MYO18B: variants seen among roughly 807,000 people sequenced by gnomAD.
MYO18B encodes the protein myosin XVIIIB, also known as unconventional myosin-XVIIIb.
In MYO18B, 204 loss-of-function variants were observed where a neutral mutation model predicts 273.0. The ratio of observed to expected loss-of-function variants is 0.75; its 90% confidence interval spans 0.67 to 0.84. The LOEUF is 0.84. MYO18B is among the 40% of genes least tolerant of loss of function. MYO18B has a pLI of 0.00. For synonymous variants in MYO18B, 1,330 were observed against 1,305.7 expected, an observed-to-expected ratio of 1.02 and a Z score of -0.40; for missense variants, 3,212 against 3,287.6, an observed-to-expected ratio of 0.98 and a Z score of 0.56.
intron 39 of MYO18B, among the ~76,000 whole-genome samples, chr22:25,962,751 G>C (rs890602022): frequency 2.0e-5 from 3 of 152,184 alleles, no homozygotes; most frequent in Non-Finnish European, 4.4e-5. Context: ...TCTGAAACTT[G>C]TATGGAGTTT....
intron 29 of MYO18B, 47 bp downstream of exon 29, chr22:25,898,508 A>C: frequency 6.3e-7 from 1 of 1,596,852 alleles, no homozygotes; most frequent in Non-Finnish European, 8.5e-7. Flanking sequence ...GGTGGGCTAC[A>C]TTGGAGCTGG....
intron 40 of MYO18B, among the ~76,000 whole-genome samples, chr22:25,999,649 C>T (rs1394622885): frequency 8.0e-6 from 1 of 124,786 alleles, no homozygotes; most frequent in African/African-American, 3.4e-5. Flanking sequence ...CTTTCTCCTC[C>T]TTCTCCTCCT....
chr22:25,816,966 C>T (rs1238059557), intron 12 of MYO18B, among the ~76,000 whole-genome samples: 1 of 152,214 alleles, frequency 6.6e-6, no homozygotes. Context: ...TCAGCAACAG[C>T]ACAGCTATTG....
At chr22:25,778,828 A>T (rs576939250) in intron 8 of MYO18B, among the ~76,000 whole-genome samples, 1 of 151,706 alleles carries the variant, frequency 6.6e-6, no homozygotes, top group South Asian at 2.1e-4. Context: ...CAGCCCTATA[A>T]GGTAGGTATT....
At chr22:25,823,936 G>A (rs1402513029) in intron 13 of MYO18B, among the ~76,000 whole-genome samples, 2 of 152,212 alleles carry the variant, frequency 1.3e-5, no homozygotes, top group South Asian at 2.1e-4. Flanking sequence ...AGGGGATGCC[G>A]TGGGCAGGGC....
At chr22:25,825,552 G>A (rs900762067) in intron 13 of MYO18B, among the ~76,000 whole-genome samples, 1 of 152,076 alleles carries the variant, frequency 6.6e-6, no homozygotes, top group African/African-American at 2.4e-5. Flanking sequence ...GTGTGTATTC[G>A]AGCAAAATCA....
In MYO18B at chr22:25,946,898, G is replaced by A. The variant is rs138964527; in HGVS notation, c.5631+648G>A. Among the ~76,000 whole-genome samples the A allele has an allele frequency of 1.8e-3, 267 of 152,208 alleles. 1 individual carries two copies. The highest frequency in any genetic ancestry group is 6.2e-3 in the African/African-American group (258 of 41,512). On this transcript the variant is annotated intron_variant, in intron 35 of 43. Coordinates refer to ENST00000335473, the MANE Select transcript of MYO18B (RefSeq NM_032608.7). ...CTACCCTGTGCTCACCCCTGAATGG[G>A]GACACATGGACATATATTGTCGATG...
chr22:25,808,182 A>G (rs907603000), intron 12 of MYO18B, among the ~76,000 whole-genome samples: 6 of 152,072 alleles, frequency 3.9e-5, no homozygotes, highest in Non-Finnish European at 7.4e-5. Context: ...TTGCAGCAAG[A>G]TACGATTTCT....
chr22:25,957,737 G>A (rs186926233), intron 39 of MYO18B, among the ~76,000 whole-genome samples: 4 of 152,014 alleles, frequency 2.6e-5, no homozygotes, highest in South Asian at 2.1e-4. Context: ...CTTGGTTTGC[G>A]GCTGCCTCAG....
intron 39 of MYO18B, among the ~76,000 whole-genome samples, chr22:25,990,582 G>A (rs1229001742): frequency 2.0e-5 from 3 of 150,238 alleles, no homozygotes; most frequent in African/African-American, 7.3e-5. Flanking sequence ...ATCTACTTGG[G>A]AGGCTGAGGC....
In MYO18B at chr22:25,898,353, A is replaced by T. The variant is rs761165303; in HGVS notation, c.4715A>T (p.His1572Leu). ...TATGACGGGGCCAAGAAGATGGCTC[A>T]CCAACTGAAGAGGAAGTGCCACCAT... ...SAYDGAKKMA[H>L]QLKRKCHHLT... Residue 1572 changes from histidine (H) to leucine (L), a missense_variant, in exon 29 of 44, where the codon CAC becomes CTC. Physicochemically the swap from His to Leu is moderately conservative, Grantham distance 99 (BLOSUM62 -3). Coordinates refer to ENST00000335473, the MANE Select transcript of MYO18B (RefSeq NM_032608.7). 6.2e-7 allele frequency: 1 copy of T among 1,613,974 alleles called. No individual in the cohort carries two copies. Among genetic ancestry groups the T allele is most frequent in the Non-Finnish European group, 8.5e-7 (1 of 1,179,864 alleles).
intron 33 of MYO18B, among the ~76,000 whole-genome samples, chr22:25,917,542 A>AGGGG (rs926458961): frequency 1.1e-5 from 1 of 92,232 alleles, no homozygotes; most frequent in Non-Finnish European, 2.2e-5. Context: ...AAAGCTTTGT[A>AGGGG]GGGGTGTGTG....
chr22:25,768,226 A>G lies in MYO18B; in HGVS notation c.310A>G (p.Ile104Val), dbSNP rs989856968. ...DQSSSPGSSD[I>V]LGKESEGSRS... is the part of the protein sequence containing the mutation. The stretch of plus-strand genomic sequence containing the variant: ...GTCAAGCTCTCCTGGGAGCTCAGAC[A>G]TTCTGGGCAAGGAGAGCGAGGGGTC... Residue 104 changes from isoleucine (I) to valine (V), a missense_variant, in exon 4 of 44, where the codon ATT becomes GTT. Physicochemically the swap from Ile to Val is conservative, Grantham distance 29. Transcript: ENST00000335473. 8.7e-6 allele frequency: 14 copies of G among 1,614,016 alleles called. No homozygotes were observed. The highest frequency in any genetic ancestry group is 1.2e-5 in the Non-Finnish European group (14 of 1,179,894).
chr22:25,854,147 C>T (rs989210156), intron 21 of MYO18B, among the ~76,000 whole-genome samples: 1 of 152,040 alleles, frequency 6.6e-6, no homozygotes, highest in Non-Finnish European at 1.5e-5. Context: ...GGTGAAGTCC[C>T]CTGTGGGTCT....
At chr22:25,851,448 C>G in intron 20 of MYO18B, 22 bp from the exon 21 acceptor site, 1 of 1,512,848 alleles carries the variant, frequency 6.6e-7, no homozygotes, top group Non-Finnish European at 9.0e-7. Context: ...TGCTCTTCTC[C>G]TGCCTGCTCC....
chr22:25,947,930 A>G, intron 36 of MYO18B, 102 bp downstream of exon 36: 1 of 803,158 alleles, frequency 1.2e-6, no homozygotes, highest in African/African-American at 1.7e-5. Flanking sequence ...TGGTCTTAAC[A>G]TCTTGGAGGG....
chr22:25,814,768 T>C (rs1439139703), intron 12 of MYO18B, among the ~76,000 whole-genome samples: 1 of 152,190 alleles, frequency 6.6e-6, no homozygotes, highest in East Asian at 1.9e-4. Context: ...AATGAATTGT[T>C]AATATTTACT....
At chr22:25,999,551 C>T (rs1933706366) in intron 40 of MYO18B, among the ~76,000 whole-genome samples, 1 of 38,694 alleles carries the variant, frequency 2.6e-5, no homozygotes, top group Non-Finnish European at 5.2e-5. Flanking sequence ...CTTCCCCCTC[C>T]CCCTCTTCCC....
At chr22:26,014,537 T>C (rs1935161128) in intron 42 of MYO18B, among the ~76,000 whole-genome samples, 1 of 152,226 alleles carries the variant, frequency 6.6e-6, no homozygotes, top group Non-Finnish European at 1.5e-5. Context: ...GGCTTCCCAC[T>C]GTCCTTAAAT....
Sources: allele counts gnomAD v4.1 joint callset (sites outside exome capture counted in the v4.1 genomes callset), GRCh38; gene constraint gnomAD v4.1.1; transcripts MANE v1.5; gene names NCBI Gene and HGNC (gene_info 2026-07-23, HGNC 2026-07-21).